Variants in ST8SIA6 observed in about 807,000 individuals in gnomAD.
The protein encoded by ST8SIA6 is alpha-2,8-sialyltransferase 8F.
A neutral mutation model predicts 33.6 loss-of-function variants in ST8SIA6; 39 were observed. The ratio of observed to expected loss-of-function variants is 1.16; its 90% confidence interval spans 0.90 to 1.52. ST8SIA6 has a LOEUF of 1.52. Among genes scored for constraint, ST8SIA6 ranks in the 40% most tolerant of loss-of-function variants. ST8SIA6 has a pLI of 0.00. For missense variants in ST8SIA6, 441 were observed against 443.8 expected (o/e 0.99, Z 0.06); for synonymous variants, 172 against 167.2 (o/e 1.03, Z -0.22).
intron 2 of ST8SIA6, among the ~76,000 whole-genome samples, chr10:17,429,949 T>C (rs1408462284): frequency 1.3e-5 from 2 of 152,188 alleles, no homozygotes; most frequent in Non-Finnish European, 2.9e-5. Flanking sequence ...TTTTGTTACA[T>C]GGATGAATTG....
At chr10:17,404,270 G>A (rs746501722) in intron 2 of ST8SIA6, among the ~76,000 whole-genome samples, 13 of 152,110 alleles carry the variant, frequency 8.5e-5, no homozygotes, top group Admixed American at 1.3e-4. Flanking sequence ...TAACATACCC[G>A]AAGTCGCTGT....
intron 2 of ST8SIA6, among the ~76,000 whole-genome samples, chr10:17,449,847 T>C (rs1852846027): frequency 6.6e-6 from 1 of 152,032 alleles, no homozygotes; most frequent in Non-Finnish European, 1.5e-5. Context: ...GGGAGAAAGA[T>C]GGGGGCAATA....
chr10:17,454,194 C>CGCAGCA lies in ST8SIA6; in HGVS notation c.56_61dup (p.Leu19_Leu20dup), dbSNP rs756965327. The stretch of plus-strand genomic sequence containing the variant: ...CGCGTCTGCCGGGCACCAGAGCAGG[C>CGCAGCA]GCAGCAGCAGCAGCAGCAGCAGGCT... On this transcript the variant is annotated inframe_insertion, in exon 1 of 8. Coordinates refer to ENST00000377602, the MANE Select transcript of ST8SIA6 (RefSeq NM_001004470.3). This position sits in a 1 kb window ranked among gnomAD's most constrained non-coding sequence, Gnocchi z 4.1. The CGCAGCA allele has an allele frequency of 5.0e-5, 14 of 280,780 alleles. No homozygotes were observed. Among genetic ancestry groups the CGCAGCA allele is most frequent in the African/African-American group, 1.1e-4 (5 of 44,490 alleles). 17.4% of individuals were successfully genotyped at this position (280,780 alleles called of 1,614,324 possible). A position where few individuals can be genotyped will look rare whatever the true frequency, so the allele number is the denominator to read the frequency against.
intron 2 of ST8SIA6, chr10:17,403,618 A>G (rs1452086360): frequency 6.6e-6 from 1 of 152,194 alleles, no homozygotes; most frequent in Non-Finnish European, 1.5e-5. Flanking sequence ...TGTCTGGTCT[A>G]ATATACATAT....
intron 4 of ST8SIA6, among the ~76,000 whole-genome samples, chr10:17,349,322 C>T (rs1848957169): frequency 6.6e-6 from 1 of 152,180 alleles, no homozygotes; most frequent in Admixed American, 6.5e-5. Flanking sequence ...ACTATTATAG[C>T]ATTATTGCTC....
At chr10:17,452,145 C>T (rs1437088786) in intron 2 of ST8SIA6, among the ~76,000 whole-genome samples, 1 of 152,158 alleles carries the variant, frequency 6.6e-6, no homozygotes, top group African/African-American at 2.4e-5. Context: ...AGTACACCAA[C>T]CTGAATAGAA....
intron 2 of ST8SIA6, among the ~76,000 whole-genome samples, chr10:17,419,155 TAGTA>T (rs1306008209): frequency 6.6e-6 from 1 of 152,182 alleles, no homozygotes; most frequent in African/African-American, 2.4e-5. Context: ...TGATCACCAG[TAGTA>T]AGTATCGAAT....
Position 17,319,227 on chromosome 10 carries a change from G to T in ST8SIA6, c.*1651C>A, listed in dbSNP as rs186757384. 4.6e-4 allele frequency among the ~76,000 whole-genome samples: 70 copies of T among 152,204 alleles called. No homozygotes were observed. The highest frequency in any genetic ancestry group is 7.6e-4 in the Non-Finnish European group (52 of 68,006). ...TAAAACATGCGTCACAGTTCTTGTC[G>T]CTCTGTAATGGTGAGTTACTGCAAG... On this transcript the variant is annotated 3_prime_UTR_variant, in exon 8 of 8. Coordinates refer to ENST00000377602, the MANE Select transcript of ST8SIA6 (RefSeq NM_001004470.3).
intron 2 of ST8SIA6, among the ~76,000 whole-genome samples, chr10:17,442,909 C>T (rs538842889): frequency 6.6e-6 from 1 of 152,220 alleles, no homozygotes; most frequent in South Asian, 2.1e-4. Flanking sequence ...GACAAGGCAA[C>T]AAAACTCAAA....
At chr10:17,396,432 C>G (rs1850808454) in intron 2 of ST8SIA6, among the ~76,000 whole-genome samples, 1 of 152,200 alleles carries the variant, frequency 6.6e-6, no homozygotes, top group South Asian at 2.1e-4. Flanking sequence ...TAGGCATCCA[C>G]TGTTTCTTAT....
intron 2 of ST8SIA6, among the ~76,000 whole-genome samples, chr10:17,414,416 G>GA (rs1302555878): frequency 2.0e-5 from 3 of 152,064 alleles, no homozygotes; most frequent in Non-Finnish European, 2.9e-5. Flanking sequence ...ATACTTTATT[G>GA]AAAAAAATAG....
chr10:17,386,289 A>G (rs529030254), intron 3 of ST8SIA6, among the ~76,000 whole-genome samples: 264 of 151,642 alleles, frequency 1.7e-3, no homozygotes, highest in African/African-American at 6.1e-3. Context: ...CAGGAGTTCG[A>G]TCACAAGGTC....
chr10:17,345,420 A>C (rs1848803801), intron 4 of ST8SIA6, among the ~76,000 whole-genome samples: 1 of 152,338 alleles, frequency 6.6e-6, no homozygotes, highest in South Asian at 2.1e-4. Context: ...AAGGTACCTA[A>C]GCCACCCAAA....
At chr10:17,404,529 T>A (rs1851177566) in intron 2 of ST8SIA6, among the ~76,000 whole-genome samples, 3 of 152,152 alleles carry the variant, frequency 2.0e-5, no homozygotes, top group Non-Finnish European at 4.4e-5. Flanking sequence ...GCAAAGATGT[T>A]ACTAAGTCAG....
chr10:17,382,447 G>A (rs1172820608), intron 3 of ST8SIA6, among the ~76,000 whole-genome samples: 3 of 152,122 alleles, frequency 2.0e-5, no homozygotes, highest in African/African-American at 7.2e-5. Context: ...TGTATTTTTA[G>A]TGGAGACAGG....
At chr10:17,391,255 TTTTATTTA>T (rs529722416) in intron 2 of ST8SIA6, among the ~76,000 whole-genome samples, 2 of 151,736 alleles carry the variant, frequency 1.3e-5, no homozygotes, top group African/African-American at 2.4e-5. Context: ...TTTATTTTAT[TTTTATTTA>T]TTTATTTATT....
At position 17,320,861 on chromosome 10, in the gene ST8SIA6, AT is replaced by A. The variant is rs755505557; in HGVS notation, c.*16del. On this transcript the variant is annotated 3_prime_UTR_variant, in exon 8 of 8. Coordinates refer to ENST00000377602, the MANE Select transcript of ST8SIA6 (RefSeq NM_001004470.3). ...ACTGCATTATATTAAAATTATTCCC[AT>A]TTTAAGATACTTTGTTTAGGCGACT... 2 of 1,609,476 alleles carry A rather than the reference AT, an allele frequency of 1.2e-6. No homozygotes were observed. Among genetic ancestry groups the A allele is most frequent in the Non-Finnish European group, 1.7e-6 (2 of 1,176,426 alleles).
intron 3 of ST8SIA6, among the ~76,000 whole-genome samples, chr10:17,379,195 G>C (rs891502766): frequency 2.6e-5 from 4 of 151,734 alleles, no homozygotes; most frequent in Non-Finnish European, 5.9e-5. Context: ...AACTTGTAGA[G>C]AAATACAGGT....
At chr10:17,356,931 A>G (rs1849212610) in intron 4 of ST8SIA6, among the ~76,000 whole-genome samples, 2 of 152,170 alleles carry the variant, frequency 1.3e-5, no homozygotes, top group Admixed American at 1.3e-4. Context: ...AAGACAAAAG[A>G]TTTACAGATA....
Sources: allele counts gnomAD v4.1 joint callset (sites outside exome capture counted in the v4.1 genomes callset), GRCh38; gene constraint gnomAD v4.1.1; non-coding constraint Gnocchi (gnomAD v3.1); transcripts MANE v1.5; gene names NCBI Gene and HGNC (gene_info 2026-07-23, HGNC 2026-07-21).